NR2F1-AS1: variants seen among roughly 807,000 people sequenced by gnomAD.
NR2F1-AS1 encodes NR2F1 regulatory antisense RNA 1.
exon 1 of NR2F1-AS1, chr5:93,580,710 T>G (rs1008335395): frequency 2.6e-5 from 4 of 152,650 alleles, no homozygotes; most frequent in Non-Finnish European, 4.4e-5. Flanking sequence ...GGAGTACGAT[T>G]TAGAATCTGT....
chr5:93,550,885 CTAGT>C (rs565794752), intron 4 of NR2F1-AS1, among the ~76,000 whole-genome samples: 3 of 151,736 alleles, frequency 2.0e-5, no homozygotes, highest in South Asian at 4.2e-4. Flanking sequence ...TTGATAATGT[CTAGT>C]TAGTTAATCA....
intron 4 of NR2F1-AS1, among the ~76,000 whole-genome samples, chr5:93,533,083 G>A (rs2149901440): frequency 6.6e-6 from 1 of 152,226 alleles, no homozygotes; most frequent in East Asian, 1.9e-4. Context: ...CCTTACATTA[G>A]GCTTTTACCT....
At chr5:93,558,497 T>G (rs1238531108) in intron 2 of NR2F1-AS1, among the ~76,000 whole-genome samples, 1 of 152,046 alleles carries the variant, frequency 6.6e-6, no homozygotes, top group Non-Finnish European at 1.5e-5. Context: ...ATTTTTTGTA[T>G]TTTTAGTAGA....
At chr5:93,572,786 C>G (rs1049704626) in intron 1 of NR2F1-AS1, among the ~76,000 whole-genome samples, 8 of 152,220 alleles carry the variant, frequency 5.3e-5, no homozygotes, top group Non-Finnish European at 7.3e-5. Flanking sequence ...GCCTTTATCC[C>G]CATCAATTAA....
At chr5:93,510,387 A>ACT (rs758200045) in intron 4 of NR2F1-AS1, among the ~76,000 whole-genome samples, 3 of 152,042 alleles carry the variant, frequency 2.0e-5, no homozygotes, top group Non-Finnish European at 4.4e-5. Flanking sequence ...AAGTGTCAAA[A>ACT]CTCTGCACAT....
In NR2F1-AS1 at chr5:93,456,053, C is replaced by T. The variant is rs867291694; in HGVS notation, n.639-60511G>A. On this transcript the variant is annotated intron_variant and non_coding_transcript_variant, in intron 4 of 5. Transcript: ENST00000660523. ...TAAGCAAGGACATATCCTCTAGCCA[C>T]TTCTATTCAACATTGTACTGGAAAT... Among the ~76,000 whole-genome samples, 9 of 152,256 alleles carry T rather than the reference C, an allele frequency of 5.9e-5. No individual in the cohort carries two copies. The South Asian group carries it at 1.9e-3, about 32-fold the overall frequency.
At chr5:93,515,675 T>C (rs987743384) in intron 4 of NR2F1-AS1, among the ~76,000 whole-genome samples, 1 of 138,228 alleles carries the variant, frequency 7.2e-6, no homozygotes, top group Non-Finnish European at 1.7e-5. Flanking sequence ...ATATTAACAA[T>C]AAATGGTGAT....
intron 4 of NR2F1-AS1, among the ~76,000 whole-genome samples, chr5:93,446,607 C>G (rs1438334135): frequency 1.3e-5 from 2 of 152,068 alleles, no homozygotes; most frequent in Non-Finnish European, 2.9e-5. Flanking sequence ...GAATCAATAT[C>G]GTGAAAATGG....
upstream of NR2F1-AS1, chr5:93,584,160 A>AGCG (rs1053014229): frequency 1.3e-5 from 2 of 149,074 alleles, no homozygotes; most frequent in African/African-American, 4.9e-5. Context: ...CCGCCGGGAC[A>AGCG]GCGGCGGCGC....
chr5:93,466,607 G>A (rs1359217894), intron 4 of NR2F1-AS1, among the ~76,000 whole-genome samples: 3 of 151,566 alleles, frequency 2.0e-5, no homozygotes, highest in African/African-American at 7.3e-5. Context: ...CAAAGTGCTG[G>A]GATTACAGGT....
chr5:93,510,997 C>A (rs1044706156), intron 4 of NR2F1-AS1, among the ~76,000 whole-genome samples: 1 of 152,022 alleles, frequency 6.6e-6, no homozygotes, highest in African/African-American at 2.4e-5. Flanking sequence ...ATTTTTTTGG[C>A]AAAATTATTG....
chr5:93,522,913 G>A (rs1438001216), intron 4 of NR2F1-AS1, among the ~76,000 whole-genome samples: 1 of 151,922 alleles, frequency 6.6e-6, no homozygotes, highest in Admixed American at 6.6e-5. Context: ...ACAAACCTGG[G>A]CAGCCGTTTG....
chr5:93,439,207 G>C (rs1226963931), intron 4 of NR2F1-AS1, among the ~76,000 whole-genome samples: 1 of 152,232 alleles, frequency 6.6e-6, no homozygotes, highest in African/African-American at 2.4e-5. Context: ...TGTGCCATCT[G>C]TAAGCAATAT....
At chr5:93,540,375 G>A (rs2149905195) in intron 4 of NR2F1-AS1, among the ~76,000 whole-genome samples, 1 of 152,246 alleles carries the variant, frequency 6.6e-6, no homozygotes, top group African/African-American at 2.4e-5. Context: ...GATGTTTCTG[G>A]TTTCTGTTTC....
At chr5:93,483,750 A>C (rs1039379473) in intron 4 of NR2F1-AS1, among the ~76,000 whole-genome samples, 6 of 152,208 alleles carry the variant, frequency 3.9e-5, no homozygotes, top group African/African-American at 1.4e-4. Flanking sequence ...TTAGAGAAGA[A>C]CATAAATGAC....
At chr5:93,478,437 T>C (rs554937504) in intron 4 of NR2F1-AS1, among the ~76,000 whole-genome samples, 11 of 152,320 alleles carry the variant, frequency 7.2e-5, no homozygotes, top group African/African-American at 2.6e-4. Flanking sequence ...ACAGTCTTGC[T>C]CTGTCATCCA....
At chr5:93,467,843 T>C (rs1393205169) in intron 4 of NR2F1-AS1, among the ~76,000 whole-genome samples, 1 of 152,190 alleles carries the variant, frequency 6.6e-6, no homozygotes, top group Non-Finnish European at 1.5e-5. Flanking sequence ...GCATATGGTG[T>C]TTCCTGCCCT....
chr5:93,509,012 T>C (rs1751242415), intron 4 of NR2F1-AS1, among the ~76,000 whole-genome samples: 1 of 152,050 alleles, frequency 6.6e-6, no homozygotes, highest in African/African-American at 2.4e-5. Flanking sequence ...AAAGAAACTT[T>C]TACACACACC....
intron 4 of NR2F1-AS1, among the ~76,000 whole-genome samples, chr5:93,475,965 T>C (rs572762442): frequency 6.6e-6 from 1 of 152,312 alleles, no homozygotes; most frequent in South Asian, 2.1e-4. Flanking sequence ...TATCAACTAT[T>C]GGTATTAAAT....
Sources: gnomAD v4.1 joint callset for allele counts (sites outside exome capture counted in the v4.1 genomes callset) on GRCh38, gnomAD v4.1.1 for gene constraint, MANE v1.5 for transcripts, NCBI Gene and HGNC (gene_info 2026-07-23, HGNC 2026-07-21) for gene names.